Variants in LPP observed in about 807,000 individuals in gnomAD.
The protein encoded by LPP is LIM domain containing preferred translocation partner in lipoma.
A neutral mutation model predicts 60.4 loss-of-function variants in LPP; 38 were observed. The observed-to-expected ratio is 0.63, with a 90% CI of 0.49 to 0.83. LPP has a LOEUF of 0.83. Ranked by LOEUF, LPP falls within the 40% of genes least tolerant of loss-of-function variation. The probability of loss-of-function intolerance (pLI) is 0.00; values close to 1 mark genes in which losing one functional copy is unlikely to be tolerated. For missense variants in LPP, 902 were observed against 783.6 expected, an observed-to-expected ratio of 1.15 and a Z score of -1.80; for synonymous variants, 328 against 290.8, an observed-to-expected ratio of 1.13 and a Z score of -1.30.
At chr3:188,827,963 C>A (rs1201470376) in intron 9 of LPP, among the ~76,000 whole-genome samples, 3 of 152,158 alleles carry the variant, frequency 2.0e-5, no homozygotes, top group African/African-American at 7.2e-5. Flanking sequence ...CATCCCTCTT[C>A]TAAATATTTC....
chr3:188,541,316 G>A (rs1825111395), intron 6 of LPP, among the ~76,000 whole-genome samples: 2 of 152,144 alleles, frequency 1.3e-5, no homozygotes, highest in Non-Finnish European at 2.9e-5. Flanking sequence ...TTCAAGTGTT[G>A]CTCTGGTGTG....
chr3:188,391,210 T>A (rs1210523163), intron 3 of LPP, among the ~76,000 whole-genome samples: 1 of 152,188 alleles, frequency 6.6e-6, no homozygotes, highest in Non-Finnish European at 1.5e-5. Flanking sequence ...GAGCTGAGGC[T>A]AGCGTGCGGA....
At chr3:188,825,263 C>CTG (rs1272019929) in intron 9 of LPP, among the ~76,000 whole-genome samples, 21 of 103,588 alleles carry the variant, frequency 2.0e-4, no homozygotes, top group African/African-American at 7.5e-4. Context: ...CTCTCTCTCT[C>CTG]TCTCTCTGTG....
chr3:188,479,928 A>C (rs1369632329), intron 4 of LPP, among the ~76,000 whole-genome samples: 11 of 152,172 alleles, frequency 7.2e-5, no homozygotes, highest in African/African-American at 2.4e-5. Context: ...CTTACTTTGC[A>C]GGTAAATTCT....
chr3:188,655,835 T>C (rs928304776), intron 7 of LPP, among the ~76,000 whole-genome samples: 1 of 152,040 alleles, frequency 6.6e-6, no homozygotes, highest in Non-Finnish European at 1.5e-5. Context: ...CATATGCAGC[T>C]CTTACCAGTG....
intron 6 of LPP, among the ~76,000 whole-genome samples, chr3:188,547,808 T>A (rs934604266): frequency 2.6e-5 from 4 of 152,188 alleles, no homozygotes; most frequent in African/African-American, 9.6e-5. Context: ...TGAACCTTAA[T>A]AAGAAGTGTG....
intron 5 of LPP, among the ~76,000 whole-genome samples, chr3:188,509,859 AT>A (rs1342110915): frequency 1.4e-3 from 148 of 103,586 alleles, no homozygotes; most frequent in African/African-American, 4.6e-3. Context: ...TGCCTGGCTA[AT>A]TTTTTTTTTG....
At chr3:188,759,873 A>G (rs1266191813) in intron 8 of LPP, among the ~76,000 whole-genome samples, 3 of 152,278 alleles carry the variant, frequency 2.0e-5, no homozygotes, top group African/African-American at 7.2e-5. Context: ...AACTTAGACT[A>G]TGAGACTCAA....
chr3:188,773,079 A>G (rs769403850), intron 9 of LPP, among the ~76,000 whole-genome samples: 15 of 152,216 alleles, frequency 9.9e-5, no homozygotes, highest in Admixed American at 7.8e-4. Context: ...CTCAAGGTCA[A>G]ACACACTGAC....
chr3:188,805,476 CTT>C (rs1433589242), intron 9 of LPP, among the ~76,000 whole-genome samples: 2 of 151,270 alleles, frequency 1.3e-5, no homozygotes, highest in African/African-American at 2.4e-5. Flanking sequence ...TAATTAATGT[CTT>C]ATTTCTTTTT....
intron 6 of LPP, among the ~76,000 whole-genome samples, chr3:188,576,677 G>A (rs1211629988): frequency 6.6e-6 from 1 of 152,046 alleles, no homozygotes; most frequent in Non-Finnish European, 1.5e-5. Flanking sequence ...GTTCTAACAG[G>A]AAAATTATGT....
intron 1 of LPP, among the ~76,000 whole-genome samples, chr3:188,203,391 TTA>T (rs1731707788): frequency 1.2e-5 from 1 of 84,438 alleles, no homozygotes; most frequent in South Asian, 4.8e-4. Context: ...TATTTATATA[TTA>T]ATATATATTT....
rs1294856982 is a variant in LPP, at chr3:188,887,565, T to C, written c.*13086T>C. 1 of 215,906 alleles carries C rather than the reference T, an allele frequency of 4.6e-6. No homozygotes were observed. Among genetic ancestry groups the C allele is most frequent in the Non-Finnish European group, 9.3e-6 (1 of 107,030 alleles). 13.4% of individuals were successfully genotyped at this position (215,906 alleles called of 1,614,324 possible). On this transcript the variant is annotated 3_prime_UTR_variant, in exon 12 of 12. Transcript: ENST00000617246. ...GAGTTTGCATTTTACTAATCCTATA[T>C]ACTTTGAGCTTAGTTTTTAGAATTG...
At chr3:188,274,937 G>A (rs577110893) in intron 2 of LPP, among the ~76,000 whole-genome samples, 1 of 152,340 alleles carries the variant, frequency 6.6e-6, no homozygotes, top group African/African-American at 2.4e-5. Flanking sequence ...ATCGTTAGGA[G>A]TCTGACTGAA....
intron 1 of LPP, among the ~76,000 whole-genome samples, chr3:188,206,978 G>A (rs538369609): frequency 3.9e-5 from 6 of 152,094 alleles, no homozygotes; most frequent in Non-Finnish European, 7.4e-5. Flanking sequence ...ATTTGGCAGC[G>A]AGGAGTCAAA....
At chr3:188,154,425 C>T (rs1275923273) in intron 1 of LPP, among the ~76,000 whole-genome samples, 173 bp downstream of exon 1, 2 of 151,950 alleles carry the variant, frequency 1.3e-5, no homozygotes, top group Admixed American at 1.3e-4. Flanking sequence ...ACGGGGTGCA[C>T]GCCATGGGGG....
rs1578131271 is a variant in LPP, at chr3:188,883,212, G to T, written c.*8733G>T. 1 of 217,174 alleles carries T rather than the reference G, an allele frequency of 4.6e-6. No individual in the cohort carries two copies. The highest frequency in any genetic ancestry group is 6.7e-5 in the East Asian group (1 of 14,872). 13.5% of individuals were successfully genotyped at this position (217,174 alleles called of 1,614,324 possible). A position where few individuals can be genotyped will look rare whatever the true frequency, so the allele number is the denominator to read the frequency against. On this transcript the variant is annotated 3_prime_UTR_variant, in exon 12 of 12. Transcript: ENST00000617246. ...CTTCCATATATATTTGTTTTGTTTTGGGCATTGCATTACTTTTTTGAATTT... is the reference window on the plus strand; with the variant it reads ...CTTCCATATATATTTGTTTTGTTTTTGGCATTGCATTACTTTTTTGAATTT...
intron 7 of LPP, among the ~76,000 whole-genome samples, chr3:188,613,300 A>ATATCTATATCTC (rs1844183270): frequency 6.8e-6 from 1 of 146,170 alleles, no homozygotes; most frequent in African/African-American, 2.5e-5. Context: ...ATCTATATCT[A>ATATCTATATCTC]TATCTATATC....
chr3:188,522,354 C>T (rs1819111791), intron 5 of LPP, among the ~76,000 whole-genome samples: 1 of 152,132 alleles, frequency 6.6e-6, no homozygotes, highest in Non-Finnish European at 1.5e-5. Flanking sequence ...TGTGTGCACA[C>T]ACAGATGGAC....
Sources: allele counts gnomAD v4.1 joint callset (sites outside exome capture counted in the v4.1 genomes callset), GRCh38; gene constraint gnomAD v4.1.1; transcripts MANE v1.5; gene names NCBI Gene and HGNC (gene_info 2026-07-23, HGNC 2026-07-21).